The following GPR89B variants were observed in gnomAD, a reference collection of about 807,000 sequenced individuals.
GPR89B encodes the protein golgi pH regulator B.
Under a neutral mutation model 52.4 loss-of-function variants are expected in GPR89B, and 25 were observed. The ratio of observed to expected loss-of-function variants is 0.48; its 90% confidence interval spans 0.35 to 0.67. GPR89B has a LOEUF of 0.67. Ranked by LOEUF, GPR89B falls within the 30% of genes least tolerant of loss-of-function variation. GPR89B has a pLI of 0.01. For synonymous variants in GPR89B, 52 were observed against 151.2 expected (o/e 0.34, Z 4.81); for missense variants, 146 against 450.2 (o/e 0.32, Z 6.11).
At chr1:147,978,535 C>T (rs1181674256) in intron 10 of GPR89B, among the ~76,000 whole-genome samples, 1 of 151,678 alleles carries the variant, frequency 6.6e-6, no homozygotes, top group Non-Finnish European at 1.5e-5. Flanking sequence ...GGGAATCCCC[C>T]TCCTCTGGAC....
chr1:148,011,016 G>C, the GPR89B span: 1 of 152,120 alleles, frequency 6.6e-6, no homozygotes, highest in African/African-American at 2.4e-5. Flanking sequence ...AGTCCTTCCA[G>C]AGACTCTTCA....
the GPR89B span, among the ~76,000 whole-genome samples, chr1:147,999,434 A>G: frequency 6.8e-6 from 1 of 146,828 alleles, no homozygotes; most frequent in African/African-American, 2.5e-5. Context: ...TGGTAAAACT[A>G]CTAAAATACA....
At chr1:147,935,677 ACTC>A (rs1353825577) in intron 1 of GPR89B, among the ~76,000 whole-genome samples, 4 of 151,834 alleles carry the variant, frequency 2.6e-5, no homozygotes, top group Non-Finnish European at 4.4e-5. Context: ...GCTTTCTACT[ACTC>A]CTCTAATTTT....
intron 10 of GPR89B, among the ~76,000 whole-genome samples, chr1:147,977,636 T>C (rs1301503241): frequency 2.0e-5 from 3 of 150,860 alleles, no homozygotes; most frequent in African/African-American, 7.4e-5. Context: ...CAGCCGTAGG[T>C]TCGGTATTTT....
intron 10 of GPR89B, among the ~76,000 whole-genome samples, chr1:147,973,710 T>C (rs1657635620): frequency 6.6e-6 from 1 of 151,922 alleles, no homozygotes; most frequent in Non-Finnish European, 1.5e-5. Context: ...TTGTGGCAAT[T>C]GCTTTTGACA....
chr1:148,014,618 C>T, the GPR89B span: 1 of 151,836 alleles, frequency 6.6e-6, no homozygotes, highest in Non-Finnish European at 1.5e-5. Flanking sequence ...CTCCCCTGGC[C>T]GACGATCAGG....
chr1:147,959,965 C>T (rs1432444759), intron 7 of GPR89B, among the ~76,000 whole-genome samples: 4 of 148,540 alleles, frequency 2.7e-5, no homozygotes, highest in Non-Finnish European at 5.9e-5. Flanking sequence ...GGAGAGATCC[C>T]TAGAAGCAAA....
chr1:147,956,989 T>G (rs1392719054), intron 7 of GPR89B, among the ~76,000 whole-genome samples: 4 of 151,920 alleles, frequency 2.6e-5, no homozygotes, highest in African/African-American at 9.7e-5. Flanking sequence ...TCTGCCCACC[T>G]TGGCCTCCCA....
intron 3 of GPR89B, among the ~76,000 whole-genome samples, chr1:147,939,848 A>G (rs1654398038): frequency 6.6e-6 from 1 of 151,344 alleles, no homozygotes; most frequent in South Asian, 2.1e-4. Flanking sequence ...AAAATAAAAA[A>G]AATCAGCAGA....
chr1:148,019,009 G>A, the GPR89B span, among the ~76,000 whole-genome samples: 3 of 149,680 alleles, frequency 2.0e-5, no homozygotes, highest in Non-Finnish European at 3.0e-5. Context: ...ACAGAGTCTC[G>A]CTCTGTCACC....
intron 5 of GPR89B, among the ~76,000 whole-genome samples, chr1:147,950,898 G>C (rs1409562237): frequency 6.6e-6 from 1 of 152,200 alleles, no homozygotes; most frequent in Non-Finnish European, 1.5e-5. Flanking sequence ...GTCCAGCTTC[G>C]GCTCAGCATC....
At chr1:147,960,043 C>G (rs1301489906) in intron 7 of GPR89B, among the ~76,000 whole-genome samples, 1 of 147,608 alleles carries the variant, frequency 6.8e-6, no homozygotes, top group African/African-American at 2.5e-5. Flanking sequence ...CTACCCTACA[C>G]AAGCTCAAGC....
chr1:148,003,271 A>C, the GPR89B span, among the ~76,000 whole-genome samples: 3 of 152,094 alleles, frequency 2.0e-5, no homozygotes, highest in African/African-American at 7.2e-5. Flanking sequence ...CCCTGAAAGA[A>C]CCTAGTGTTC....
the GPR89B span, among the ~76,000 whole-genome samples, chr1:148,021,427 G>A: frequency 6.6e-6 from 1 of 151,920 alleles, no homozygotes; most frequent in Non-Finnish European, 1.5e-5. Flanking sequence ...GCGTGAACCC[G>A]GGAGGCGGAG....
intron 12 of GPR89B, among the ~76,000 whole-genome samples, chr1:147,989,276 T>C (rs1286963784): frequency 1.3e-5 from 2 of 151,998 alleles, no homozygotes; most frequent in East Asian, 1.9e-4. Flanking sequence ...CAAAACTATA[T>C]ACCAAGTCCT....
intron 8 of GPR89B, 97 bp from the exon 9 acceptor site, chr1:147,968,778 G>A (rs1342928130): frequency 6.3e-7 from 1 of 1,594,126 alleles, no homozygotes. Context: ...GGCAACTCCG[G>A]GAATCCACTG....
chr1:147,971,464 C>CTTTTTTTTTTTTTTTTTT (rs1196935183), intron 10 of GPR89B, among the ~76,000 whole-genome samples: 1 of 70,240 alleles, frequency 1.4e-5, no homozygotes, highest in Non-Finnish European at 2.5e-5. Flanking sequence ...GGAAGCATGT[C>CTTTTTTTTTTTTTTTTTT]TTTTTTTTTT....
chr1:147,975,757 G>A (rs1374777510), intron 10 of GPR89B, among the ~76,000 whole-genome samples: 3 of 151,964 alleles, frequency 2.0e-5, no homozygotes, highest in Non-Finnish European at 4.4e-5. Flanking sequence ...TTAGGGTGTC[G>A]ATTTGAGATC....
chr1:147,928,707 GCA>G (rs2149028081), intron 1 of GPR89B, 129 bp downstream of exon 1: 1 of 1,365,414 alleles, frequency 7.3e-7, no homozygotes, highest in East Asian at 2.3e-5. Context: ...AGTCACTCTG[GCA>G]CACAGAGAGG....
Sources: allele counts gnomAD v4.1 joint callset (sites outside exome capture counted in the v4.1 genomes callset), GRCh38; gene constraint gnomAD v4.1.1; transcripts MANE v1.5; gene names NCBI Gene and HGNC (gene_info 2026-07-23, HGNC 2026-07-21).